C8B: variants seen among roughly 807,000 people sequenced by gnomAD.
C8B encodes complement C8 beta chain, also known as complement component C8 beta chain.
C8B carries 67 observed loss-of-function variants against 64.6 expected under a neutral mutation model. The observed-to-expected ratio is 1.04, with a 90% CI of 0.85 to 1.27. C8B has a LOEUF of 1.27. Among genes scored for constraint, C8B ranks in the 50% most tolerant of loss-of-function variants. The pLI is 0.00. For synonymous variants in C8B, 284 were observed against 257.7 expected (o/e 1.10, Z -0.98); for missense variants, 790 against 725.2 (o/e 1.09, Z -1.03).
chr1:56,945,823 C>T lies in C8B; in HGVS notation c.1103G>A (p.Gly368Glu). The T allele has an allele frequency of 6.2e-7, 1 of 1,614,126 alleles. No individual in the cohort carries two copies. Among genetic ancestry groups the T allele is most frequent in the East Asian group, 2.2e-5 (1 of 44,864 alleles). ...CCATGGTCCCTTGGGCAGTATACCT[C>T]CTCTCTCCATGGCCTCTTTGTTCAT... is the stretch of plus-strand genomic sequence containing the variant. Reference protein sequence around the residue: ...LVMNKEAMERGDYTLNNVHAC... With the variant: ...LVMNKEAMEREDYTLNNVHAC... The change falls in exon 7 of 12, where the codon GGA becomes GAA. Residue 368 changes from glycine to glutamate, a missense_variant and splice_region_variant. By Grantham distance (98) the Gly-to-Glu change is moderately conservative (BLOSUM62 -2). Coordinates refer to ENST00000371237, the MANE Select transcript of C8B (RefSeq NM_000066.4).
intron 2 of C8B, chr1:56,959,446 C>T: frequency 1.2e-6 from 1 of 847,396 alleles, no homozygotes; most frequent in Admixed American, 2.0e-5. Flanking sequence ...AAAAAGCTTT[C>T]TCAAAAGAGG....
At chr1:56,945,217 T>A (rs1405763009) in intron 7 of C8B, among the ~76,000 whole-genome samples, 1 of 152,184 alleles carries the variant, frequency 6.6e-6, no homozygotes, top group African/African-American at 2.4e-5. Flanking sequence ...GAAGGTCTGG[T>A]CATGGGGTGA....
chr1:56,929,569 G>C lies in C8B; in HGVS notation c.1622-11C>G, dbSNP rs201793098. The C allele has an allele frequency of 6.2e-7, 1 of 1,613,204 alleles. No homozygotes were observed. The highest frequency in any genetic ancestry group is 8.5e-7 in the Non-Finnish European group (1 of 1,179,338). ...CATCAATGGGGGTATCTATAAGAAA[G>C]AAGGTCAATAAGCATCAATCAGCAC... On this transcript the variant is annotated splice_polypyrimidine_tract_variant and intron_variant, in intron 11 of 11. Transcript: ENST00000371237.
At chr1:56,947,487 A>C (rs896463774) in intron 6 of C8B, among the ~76,000 whole-genome samples, 2 of 152,052 alleles carry the variant, frequency 1.3e-5, no homozygotes, top group Non-Finnish European at 2.9e-5. Flanking sequence ...ATACCTACTT[A>C]CCTTTTAAAT....
intron 10 of C8B, among the ~76,000 whole-genome samples, chr1:56,932,428 T>C (rs1644714991): frequency 6.6e-6 from 1 of 152,140 alleles, no homozygotes; most frequent in Non-Finnish European, 1.5e-5. Flanking sequence ...AGTCTCTGGC[T>C]CCATATTCTC....
chr1:56,961,311 C>G (rs1278901558), intron 1 of C8B, among the ~76,000 whole-genome samples: 1 of 152,214 alleles, frequency 6.6e-6, no homozygotes, highest in East Asian at 1.9e-4. Context: ...TTGCTGAGCA[C>G]CTATGACAGA....
At position 56,956,755 on chromosome 1, in the gene C8B, A is replaced by ACATTGATTTACTCCTG. The variant is rs759864328; in HGVS notation, c.391+13_391+14insCAGGAGTAAATCAATG. 2.2e-4 allele frequency: 355 copies of ACATTGATTTACTCCTG among 1,613,672 alleles called. No individual in the cohort carries two copies. The highest frequency in any genetic ancestry group is 7.7e-4 in the Admixed American group (46 of 60,002). On this transcript the variant is annotated intron_variant, in intron 3 of 11. Transcript: ENST00000371237. Reference sequence around the variant, plus strand: ...TTTCAGGCTTTCCCCTCTTACTCCTACATTGATTTATACCTGTCTGTGCAC... The same window carrying ACATTGATTTACTCCTG: ...TTTCAGGCTTTCCCCTCTTACTCCTACATTGATTTACTCCTGCATTGATTTATACCTGTCTGTGCAC...
At chr1:56,933,938 T>A (rs1173821361) in intron 9 of C8B, among the ~76,000 whole-genome samples, 1 of 152,002 alleles carries the variant, frequency 6.6e-6, no homozygotes, top group Non-Finnish European at 1.5e-5. Flanking sequence ...TTGGAAGGAT[T>A]ATAGGGGTAC....
intron 1 of C8B, among the ~76,000 whole-genome samples, chr1:56,961,567 CAG>C (rs1413175599): frequency 1.3e-5 from 2 of 152,232 alleles, no homozygotes; most frequent in Non-Finnish European, 2.9e-5. Flanking sequence ...TGGAAGGAAA[CAG>C]GGCCAGCACT....
intron 10 of C8B, among the ~76,000 whole-genome samples, chr1:56,932,510 G>C (rs763266010): frequency 3.3e-5 from 5 of 152,130 alleles, no homozygotes; most frequent in Non-Finnish European, 4.4e-5. Context: ...GCAAGGGAGA[G>C]TTCAGCAACC....
intron 3 of C8B, 107 bp from the exon 4 acceptor site, chr1:56,954,934 C>T (rs938128521): frequency 1.7e-5 from 22 of 1,319,502 alleles, no homozygotes; most frequent in Non-Finnish European, 2.4e-5. Flanking sequence ...GCCTTGCATG[C>T]TGCCCTGTTT....
chr1:56,956,550 T>A (rs1009690755), intron 3 of C8B, among the ~76,000 whole-genome samples: 1 of 152,190 alleles, frequency 6.6e-6, no homozygotes, highest in African/African-American at 2.4e-5. Flanking sequence ...AGTCTTGATT[T>A]TTTAAGGTAT....
rs887385293 is a variant in C8B at position 56,959,632 on chromosome 1, C to T, written c.249+388G>A. On this transcript the variant is annotated intron_variant, in intron 2 of 11. Coordinates refer to ENST00000371237, the MANE Select transcript of C8B (RefSeq NM_000066.4). ...GGCTAGATTCGGTCACAGGGATCCT[C>T]GAAAACCATGATCCTGGACTTGATC... The T allele has an allele frequency of 1.3e-5, 20 of 1,534,948 alleles. No homozygotes were observed. In the Middle Eastern group the frequency reaches 8.3e-4, roughly 64 times the overall value.
chr1:56,961,971 T>G (rs59057601), intron 1 of C8B, among the ~76,000 whole-genome samples: 1 of 152,172 alleles, frequency 6.6e-6, no homozygotes, highest in African/African-American at 2.4e-5. Context: ...GACAAAACAA[T>G]ATTGTCTGTG....
intron 9 of C8B, among the ~76,000 whole-genome samples, chr1:56,934,583 G>A (rs999670118): frequency 1.3e-5 from 2 of 152,114 alleles, no homozygotes; most frequent in African/African-American, 4.8e-5. Context: ...GAGAGTTTAG[G>A]GTACGTCTAA....
chr1:56,952,593 C>T (rs572291767), intron 4 of C8B, among the ~76,000 whole-genome samples: 7 of 152,286 alleles, frequency 4.6e-5, no homozygotes, highest in African/African-American at 1.4e-4. Context: ...ACCCTGTGCT[C>T]GCACCGTTGT....
At chr1:56,954,953 C>T in intron 3 of C8B, 126 bp from the exon 4 acceptor site, 1 of 1,070,990 alleles carries the variant, frequency 9.3e-7, no homozygotes, top group South Asian at 1.3e-5. Context: ...TTTAATTAGT[C>T]ATCCTGTATC....
At chr1:56,954,647 G>A in intron 4 of C8B, 39 bp downstream of exon 4, 1 of 1,613,068 alleles carries the variant, frequency 6.2e-7, no homozygotes, top group Middle Eastern at 1.7e-4. Context: ...ATTTAATGCT[G>A]TGCCTTCCCA....
intron 10 of C8B, among the ~76,000 whole-genome samples, chr1:56,932,873 G>C (rs1011435449): frequency 6.6e-6 from 1 of 151,964 alleles, no homozygotes; most frequent in South Asian, 2.1e-4. Context: ...TTAGAGTCTT[G>C]CTAGGCTATC....
Sources: allele counts gnomAD v4.1 joint callset (sites outside exome capture counted in the v4.1 genomes callset), GRCh38; gene constraint gnomAD v4.1.1; transcripts MANE v1.5; gene names NCBI Gene and HGNC (gene_info 2026-07-23, HGNC 2026-07-21).